The following TRPC6 variants were observed in gnomAD, a reference collection of about 807,000 sequenced individuals.
TRPC6 encodes the protein short transient receptor potential channel 6.
In TRPC6, 55 loss-of-function variants were observed where a neutral mutation model predicts 90.7. The observed-to-expected ratio is 0.61, with a 90% CI of 0.49 to 0.76. The LOEUF is 0.76. Among genes scored for constraint, TRPC6 ranks in the 30% least tolerant of loss-of-function variants. The pLI, the probability that TRPC6 is intolerant of heterozygous loss-of-function variation, is 0.00. For synonymous variants in TRPC6, 393 were observed against 393.0 expected (o/e 1.00, Z 0.00); for missense variants, 989 against 1,122.7 (o/e 0.88, Z 1.70).
intron 8 of TRPC6, among the ~76,000 whole-genome samples, chr11:101,471,883 G>T (rs1017151048): frequency 6.6e-6 from 1 of 152,128 alleles, no homozygotes; most frequent in African/African-American, 2.4e-5. Flanking sequence ...TATTTCTAAA[G>T]TTTTTTATTA....
intron 2 of TRPC6, among the ~76,000 whole-genome samples, chr11:101,495,591 A>T (rs563203011): frequency 4.9e-5 from 7 of 141,896 alleles, no homozygotes; most frequent in African/African-American, 1.3e-4. Context: ...GATCAATGGT[A>T]ATTATTATTA....
At chr11:101,569,266 AAAG>A (rs1287373946) in intron 1 of TRPC6, among the ~76,000 whole-genome samples, 1 of 152,186 alleles carries the variant, frequency 6.6e-6, no homozygotes, top group Non-Finnish European at 1.5e-5. Context: ...CAAATGAAAC[AAAG>A]AAGGCCATTA....
rs186856201 is a variant in TRPC6 at position 101,545,091 on chromosome 11, A to G, written c.170+38243T>C. Reference sequence around the variant, plus strand: ...TCTGAATGAAAAATAGGTCTGTATTAGTCTTTATACACACACACATACACA... The same window carrying G: ...TCTGAATGAAAAATAGGTCTGTATTGGTCTTTATACACACACACATACACA... On this transcript the variant is annotated intron_variant, in intron 1 of 12. Transcript: ENST00000344327. Among the ~76,000 whole-genome samples, 85 of 152,234 alleles carry G rather than the reference A, an allele frequency of 5.6e-4. 1 individual carries two copies. The highest frequency in any genetic ancestry group is 1.9e-3 in the African/African-American group (79 of 41,558).
At chr11:101,485,361 G>C (rs1387369315) in intron 4 of TRPC6, among the ~76,000 whole-genome samples, 1 of 151,526 alleles carries the variant, frequency 6.6e-6, no homozygotes, top group Non-Finnish European at 1.5e-5. Flanking sequence ...AAGTAAGTTT[G>C]ATTTTCTTCT....
rs1226613951 is a variant in TRPC6 at position 101,459,629 on chromosome 11, A to G, written c.2485-4528T>C. Among the ~76,000 whole-genome samples, 3 of 152,234 alleles carry G rather than the reference A, an allele frequency of 2.0e-5. No individual in the cohort carries two copies. The East Asian group carries it at 5.8e-4, about 29-fold the overall frequency. ...TTTTTAGAGAAGCTACAGGGAAAAT[A>G]AAATTATTTCATTTGATAGATACCA... On this transcript the variant is annotated intron_variant, in intron 10 of 12. Coordinates refer to ENST00000344327, the MANE Select transcript of TRPC6 (RefSeq NM_004621.6).
At chr11:101,478,392 C>G (rs980393282) in intron 5 of TRPC6, among the ~76,000 whole-genome samples, 3 of 152,034 alleles carry the variant, frequency 2.0e-5, no homozygotes, top group African/African-American at 4.8e-5. Context: ...GTCAGCCTCA[C>G]GAGGAGATGC....
chr11:101,520,548 C>A (rs1184785181), intron 1 of TRPC6, among the ~76,000 whole-genome samples: 1 of 152,042 alleles, frequency 6.6e-6, no homozygotes, highest in Non-Finnish European at 1.5e-5. Context: ...CAGAAGAAGA[C>A]AGGAAGATAA....
chr11:101,580,131 T>C (rs1862162710), intron 1 of TRPC6, among the ~76,000 whole-genome samples: 5 of 152,126 alleles, frequency 3.3e-5, no homozygotes, highest in Admixed American at 3.3e-4. Context: ...TACTGTTTCA[T>C]TATTCATAAT....
At chr11:101,579,330 A>G (rs1862141151) in intron 1 of TRPC6, among the ~76,000 whole-genome samples, 1 of 152,006 alleles carries the variant, frequency 6.6e-6, no homozygotes, top group African/African-American at 2.4e-5. Flanking sequence ...GTCAACATTT[A>G]TATGTACTTT....
intron 1 of TRPC6, among the ~76,000 whole-genome samples, chr11:101,581,292 G>A (rs1167839237): frequency 6.6e-6 from 1 of 152,170 alleles, no homozygotes; most frequent in Non-Finnish European, 1.5e-5. Context: ...AACATAGTGA[G>A]AACTTGTAGC....
At chr11:101,560,786 A>G (rs1222411651) in intron 1 of TRPC6, among the ~76,000 whole-genome samples, 1 of 152,164 alleles carries the variant, frequency 6.6e-6, no homozygotes, top group Non-Finnish European at 1.5e-5. Flanking sequence ...GTCAAAGGTA[A>G]TCTAGGCAGA....
In TRPC6 at chr11:101,464,440, C is replaced by T. The variant is rs568488757; in HGVS notation, c.2484+4987G>A. Among the ~76,000 whole-genome samples the T allele has an allele frequency of 3.9e-5, 6 of 152,104 alleles. 1 individual carries two copies. The South Asian group carries it at 1.2e-3, about 32-fold the overall frequency. ...GTGGGAGTCTGAGTCTCTTTGTAGG[C>T]CTCTAAGAACTTGGTTTATGAATCT... On this transcript the variant is annotated intron_variant, in intron 10 of 12. Transcript: ENST00000344327.
In TRPC6 at chr11:101,452,774, G is replaced by A. The variant is rs1858792531; in HGVS notation, c.*181C>T. 1 of 650,838 alleles carries A rather than the reference G, an allele frequency of 1.5e-6. No homozygotes were observed. The allele number at this position is 650,838 out of a possible 1,614,324, so 40.3% of individuals were successfully genotyped here. On this transcript the variant is annotated 3_prime_UTR_variant, in exon 13 of 13. Coordinates refer to ENST00000344327, the MANE Select transcript of TRPC6 (RefSeq NM_004621.6). ...CCTCATTATCTACAGCCTTTACCCT[G>A]AACAATGGAGTTTAATCACCAAAAA... is the stretch of plus-strand genomic sequence containing the variant.
chr11:101,525,883 G>T (rs113043838), intron 1 of TRPC6, among the ~76,000 whole-genome samples: 7 of 152,294 alleles, frequency 4.6e-5, no homozygotes, highest in African/African-American at 1.7e-4. Flanking sequence ...CACAGTGGTG[G>T]CCTAAAGGAG....
intron 1 of TRPC6, among the ~76,000 whole-genome samples, chr11:101,555,405 G>A (rs1263653952): frequency 6.6e-6 from 1 of 152,098 alleles, no homozygotes; most frequent in African/African-American, 2.4e-5. Context: ...TTCCTGTCTA[G>A]GAAGGGTCCT....
chr11:101,572,100 A>G (rs1431737487), intron 1 of TRPC6, among the ~76,000 whole-genome samples: 1 of 152,232 alleles, frequency 6.6e-6, no homozygotes, highest in African/African-American at 2.4e-5. Context: ...AGAATGGGAG[A>G]AATTTTTTGC....
At chr11:101,576,949 T>G (rs141768541) in intron 1 of TRPC6, among the ~76,000 whole-genome samples, 1 of 152,120 alleles carries the variant, frequency 6.6e-6, no homozygotes, top group Non-Finnish European at 1.5e-5. Flanking sequence ...ACCAGTAGAG[T>G]TGATTACTTC....
intron 1 of TRPC6, among the ~76,000 whole-genome samples, chr11:101,533,202 A>G (rs1215512966): frequency 6.6e-6 from 1 of 152,156 alleles, no homozygotes; most frequent in East Asian, 1.9e-4. Context: ...AGACTGGGTA[A>G]TTTATAAAGA....
At position 101,500,210 on chromosome 11, in the gene TRPC6, CTTTCT is replaced by C. The variant is rs1345487552; in HGVS notation, c.945+3809_945+3813del. Among the ~76,000 whole-genome samples the C allele has an allele frequency of 2.2e-5, 3 of 137,708 alleles. No homozygotes were observed. The East Asian group carries it at 6.1e-4, about 28-fold the overall frequency. 90.3% of individuals were successfully genotyped at this position (137,708 alleles called of 152,430 possible). On this transcript the variant is annotated intron_variant, in intron 2 of 12. Transcript: ENST00000344327. ...ATTTTTCAAAATGTGTATTTTTTTTCTTTCTTTTTTTTTTTTGAGACGGAGTCTTG... is the reference window on the plus strand; with the variant it reads ...ATTTTTCAAAATGTGTATTTTTTTTCTTTTTTTTTTTGAGACGGAGTCTTG...
Sources: gnomAD v4.1 joint callset for allele counts (sites outside exome capture counted in the v4.1 genomes callset) on GRCh38, gnomAD v4.1.1 for gene constraint, MANE v1.5 for transcripts, NCBI Gene and HGNC (gene_info 2026-07-23, HGNC 2026-07-21) for gene names.